The following DAB1 variants were observed in gnomAD, a reference collection of about 807,000 sequenced individuals.
DAB1 encodes DAB adaptor protein 1.
Under a neutral mutation model 64.6 loss-of-function variants are expected in DAB1, and 15 were observed. The observed-to-expected ratio is 0.23, with a 90% confidence interval of 0.16 to 0.36. The LOEUF is 0.36. Ranked by LOEUF, DAB1 falls within the 10% of genes least tolerant of loss-of-function variation. The pLI is 1.00. For missense variants in DAB1, 596 were observed against 706.7 expected (o/e 0.84, Z 1.78); for synonymous variants, 235 against 251.9 (o/e 0.93, Z 0.64).
intron 1 of DAB1, among the ~76,000 whole-genome samples, chr1:57,882,979 T>A (rs1569913528): frequency 6.6e-6 from 1 of 152,320 alleles, no homozygotes; most frequent in Admixed American, 6.5e-5. Context: ...AAGCCGAATG[T>A]TCAAGGACAA....
At chr1:58,076,347 T>G (rs1649641040) in intron 5 of DAB1, among the ~76,000 whole-genome samples, 2 of 152,140 alleles carry the variant, frequency 1.3e-5, no homozygotes, top group South Asian at 4.1e-4. Flanking sequence ...CCAGGAAGTC[T>G]CACACAAGAG....
At chr1:57,685,881 T>C (rs1646691477) in intron 6 of DAB1, among the ~76,000 whole-genome samples, 1 of 152,116 alleles carries the variant, frequency 6.6e-6, no homozygotes, top group Admixed American at 6.5e-5. Flanking sequence ...TGATACAACT[T>C]ACCAAAATCT....
At chr1:57,193,715 G>A (rs192041481) in intron 2 of DAB1, among the ~76,000 whole-genome samples, 66 of 152,218 alleles carry the variant, frequency 4.3e-4, no homozygotes, top group Non-Finnish European at 6.9e-4. Flanking sequence ...TTTTCTATTG[G>A]TTTTTAGAAA....
intron 3 of DAB1, among the ~76,000 whole-genome samples, chr1:58,500,083 T>A (rs2100402650): frequency 6.6e-6 from 1 of 152,318 alleles, no homozygotes; most frequent in East Asian, 1.9e-4. Flanking sequence ...ATTTTTAGCA[T>A]GTTTTTCTAA....
At chr1:57,103,824 T>C (rs1654898995) in intron 4 of DAB1, among the ~76,000 whole-genome samples, 1 of 152,158 alleles carries the variant, frequency 6.6e-6, no homozygotes, top group South Asian at 2.1e-4. Flanking sequence ...ACAGAAGGAC[T>C]AAGCGGGGAA....
At chr1:57,128,308 A>G (rs753726601) in intron 4 of DAB1, among the ~76,000 whole-genome samples, 6 of 152,128 alleles carry the variant, frequency 3.9e-5, no homozygotes, top group Non-Finnish European at 7.4e-5. Flanking sequence ...ATAAAAAACC[A>G]TAGCTTTTCA....
intron 4 of DAB1, chr1:58,343,317 A>G (rs1643961482): frequency 6.6e-6 from 1 of 152,142 alleles, no homozygotes; most frequent in Non-Finnish European, 1.5e-5. Context: ...AACCAGGGAG[A>G]AATGTGTGCA....
chr1:57,087,643 A>G (rs1199927980), intron 4 of DAB1, among the ~76,000 whole-genome samples: 3 of 152,172 alleles, frequency 2.0e-5, no homozygotes, highest in Admixed American at 6.5e-5. Flanking sequence ...TGTGCCTGTC[A>G]TTTTGAAAAC....
rs553849963 is a variant in DAB1, at chr1:57,508,898, C to G, written n.625+140694G>C. ...CATATATAAAACACATTTATATATACTTATAAAACATTTATATATGCACAT... is the reference window on the plus strand; with the variant it reads ...CATATATAAAACACATTTATATATAGTTATAAAACATTTATATATGCACAT... On this transcript the variant is annotated intron_variant and non_coding_transcript_variant, in intron 7 of 20. Coordinates refer to the DAB1 transcript ENST00000485760. Among the ~76,000 whole-genome samples, 3 of 151,596 alleles carry G rather than the reference C, an allele frequency of 2.0e-5. No individual in the cohort carries two copies. In the South Asian group the frequency reaches 6.3e-4, roughly 32 times the overall value.
intron 4 of DAB1, among the ~76,000 whole-genome samples, chr1:58,174,019 C>A (rs535763634): frequency 1.6e-4 from 25 of 152,284 alleles, no homozygotes; most frequent in African/African-American, 5.8e-4. Flanking sequence ...CAAGAAATAA[C>A]AAAACCTATC....
At chr1:57,823,585 C>T (rs1652218375), downstream of DAB1, among the ~76,000 whole-genome samples, 1 of 152,162 alleles carries the variant, frequency 6.6e-6, no homozygotes, top group Non-Finnish European at 1.5e-5. Context: ...CCAGCTTCCT[C>T]AGGTGTGAGT....
chr1:57,330,554 A>G (rs1676573100), intron 1 of DAB1, among the ~76,000 whole-genome samples: 1 of 152,232 alleles, frequency 6.6e-6, no homozygotes, highest in Non-Finnish European at 1.5e-5. Context: ...CAATGTCCAC[A>G]AAGCATCAAG....
intron 6 of DAB1, among the ~76,000 whole-genome samples, chr1:57,731,601 T>C (rs1478937486): frequency 6.6e-6 from 1 of 152,082 alleles, no homozygotes; most frequent in East Asian, 1.9e-4. Context: ...GGTCAGGAGT[T>C]CGAGACCAGC....
intron 7 of DAB1, among the ~76,000 whole-genome samples, chr1:57,462,912 C>A (rs897070951): frequency 3.3e-5 from 5 of 152,032 alleles, no homozygotes; most frequent in Non-Finnish European, 1.5e-5. Flanking sequence ...TTGGCATACT[C>A]AAGGAAGGCT....
intron 2 of DAB1, among the ~76,000 whole-genome samples, chr1:57,148,067 T>C (rs1659319881): frequency 6.6e-6 from 1 of 152,212 alleles, no homozygotes; most frequent in Admixed American, 6.5e-5. Context: ...AATGTGATGG[T>C]ACTCAATACA....
chr1:57,945,118 G>A (rs115587614), intron 5 of DAB1, among the ~76,000 whole-genome samples: 3 of 152,172 alleles, frequency 2.0e-5, no homozygotes, highest in Admixed American at 6.5e-5. Flanking sequence ...ATACAAAACC[G>A]GCGATTTCTG....
intron 1 of DAB1, chr1:58,539,047 G>C (rs747870985): frequency 3.4e-6 from 3 of 872,860 alleles, no homozygotes; most frequent in Non-Finnish European, 6.0e-6. Context: ...TTTGGTACTT[G>C]AGAGGCCTCC....
At position 57,121,935 on chromosome 1, in the gene DAB1, G is replaced by T. The variant is rs1010057541; in HGVS notation, c.306+14608C>A. ...AAAAAAAGTGGTTTTCTGTGGTTGT[G>T]GGGGGTCAGCCGGAGATGAGGCTGA... On this transcript the variant is annotated intron_variant, in intron 4 of 14. Transcript: ENST00000371236. 2.0e-5 allele frequency among the ~76,000 whole-genome samples: 3 copies of T among 152,206 alleles called. No homozygotes were observed. The East Asian group carries it at 5.8e-4, about 29-fold the overall frequency.
intron 2 of DAB1, among the ~76,000 whole-genome samples, chr1:57,231,309 C>T (rs1017957434): frequency 1.3e-5 from 2 of 152,134 alleles, no homozygotes; most frequent in African/African-American, 4.8e-5. Context: ...TTCTGGGTAT[C>T]CATAGTTAAT....
Sources: gnomAD v4.1 joint callset for allele counts (sites outside exome capture counted in the v4.1 genomes callset) on GRCh38, gnomAD v4.1.1 for gene constraint, MANE v1.5 for transcripts, NCBI Gene and HGNC (gene_info 2026-07-23, HGNC 2026-07-21) for gene names.